Variants in HPSE2 observed in about 807,000 individuals in gnomAD.
HPSE2 encodes inactive heparanase-2.
In HPSE2, 38 loss-of-function variants were observed where a neutral mutation model predicts 60.5. The ratio of observed to expected loss-of-function variants is 0.63; its 90% CI spans 0.48 to 0.82. HPSE2 has a LOEUF of 0.82. Ranked by LOEUF, HPSE2 falls within the 40% of genes least tolerant of loss-of-function variation. The pLI, the probability that HPSE2 is intolerant of heterozygous loss-of-function variation, is 0.00. For synonymous variants in HPSE2, 295 were observed against 293.2 expected (o/e 1.01, Z -0.06); for missense variants, 713 against 740.4 (o/e 0.96, Z 0.43).
chr10:98,860,016 A>C (rs1336014533), intron 3 of HPSE2, among the ~76,000 whole-genome samples: 2 of 152,214 alleles, frequency 1.3e-5, no homozygotes, highest in Non-Finnish European at 2.9e-5. Flanking sequence ...TTTATAAATT[A>C]AACTTTATCA....
intron 9 of HPSE2, among the ~76,000 whole-genome samples, chr10:98,535,571 C>T (rs1303199036): frequency 2.6e-5 from 4 of 152,158 alleles, no homozygotes; most frequent in Admixed American, 6.5e-5. Flanking sequence ...TGGTGGACCA[C>T]TTGAAACTCC....
chr10:99,088,176 C>T (rs1843390045), intron 3 of HPSE2, among the ~76,000 whole-genome samples: 1 of 152,034 alleles, frequency 6.6e-6, no homozygotes, highest in South Asian at 2.1e-4. Flanking sequence ...TCAAATGCCA[C>T]TTTCCCAGTG....
the HPSE2 span, among the ~76,000 whole-genome samples, chr10:99,287,783 C>T: frequency 1.3e-5 from 2 of 152,262 alleles, no homozygotes; most frequent in Non-Finnish European, 2.9e-5. Context: ...GTCTCAAGCT[C>T]ATTCAGCCAT....
intron 3 of HPSE2, among the ~76,000 whole-genome samples, chr10:99,058,074 G>A (rs1407034006): frequency 2.0e-5 from 3 of 152,222 alleles, no homozygotes; most frequent in Non-Finnish European, 2.9e-5. Context: ...GCAAAGAGAA[G>A]CTATCCAGAA....
intron 3 of HPSE2, among the ~76,000 whole-genome samples, chr10:99,091,590 CA>C (rs1238897162): frequency 1.3e-5 from 2 of 152,168 alleles, no homozygotes; most frequent in African/African-American, 4.8e-5. Flanking sequence ...ACAAAAACAA[CA>C]ACAAAAAAAA....
At chr10:99,012,200 A>G (rs929354246) in intron 3 of HPSE2, among the ~76,000 whole-genome samples, 1 of 152,142 alleles carries the variant, frequency 6.6e-6, no homozygotes, top group African/African-American at 2.4e-5. Flanking sequence ...TGATAATTTT[A>G]ATCACAATTT....
chr10:99,063,193 A>G (rs1235156340), intron 3 of HPSE2, among the ~76,000 whole-genome samples: 1 of 152,206 alleles, frequency 6.6e-6, no homozygotes, highest in East Asian at 1.9e-4. Flanking sequence ...AATAAAAATA[A>G]ATTTTTTGGA....
In HPSE2 at chr10:99,207,253, T is replaced by G. The variant is rs564115839; in HGVS notation, c.448+25095A>C. 7.2e-5 allele frequency among the ~76,000 whole-genome samples: 11 copies of G among 152,188 alleles called. No individual in the cohort carries two copies. In the South Asian group the frequency reaches 2.3e-3, roughly 32 times the overall value. The stretch of plus-strand genomic sequence containing the variant: ...GCCAGGAGACAGAAGGATGACATAT[T>G]CTAAGGGCTAAAAGAAAAAAATACC... On this transcript the variant is annotated intron_variant, in intron 2 of 11. Transcript: ENST00000370552.
chr10:98,763,039 A>G (rs1310695602), intron 3 of HPSE2, among the ~76,000 whole-genome samples: 1 of 152,136 alleles, frequency 6.6e-6, no homozygotes, highest in Non-Finnish European at 1.5e-5. Flanking sequence ...TAGAGCTAAA[A>G]TATATAATAT....
intron 9 of HPSE2, among the ~76,000 whole-genome samples, chr10:98,552,029 A>C (rs1009454149): frequency 5.3e-5 from 8 of 152,188 alleles, no homozygotes; most frequent in Non-Finnish European, 8.8e-5. Flanking sequence ...GCAGGGAAAG[A>C]AAAACAAAGA....
At chr10:98,888,547 C>T (rs1189678688) in intron 3 of HPSE2, among the ~76,000 whole-genome samples, 1 of 152,148 alleles carries the variant, frequency 6.6e-6, no homozygotes, top group Non-Finnish European at 1.5e-5. Flanking sequence ...AGTCAATTAA[C>T]TTCTCTGGGC....
chr10:98,789,543 G>A (rs1220410279), intron 3 of HPSE2, among the ~76,000 whole-genome samples: 1 of 152,220 alleles, frequency 6.6e-6, no homozygotes, highest in Admixed American at 6.5e-5. Flanking sequence ...GCCTGTCAGA[G>A]TTGTCCTGAA....
chr10:98,604,774 T>C (rs898397311), intron 9 of HPSE2, among the ~76,000 whole-genome samples: 2 of 152,194 alleles, frequency 1.3e-5, no homozygotes, highest in African/African-American at 2.4e-5. Context: ...GATAGTGGTA[T>C]GGAAATAACA....
intron 9 of HPSE2, among the ~76,000 whole-genome samples, chr10:98,560,216 A>G (rs934742438): frequency 6.6e-6 from 1 of 152,230 alleles, no homozygotes. Context: ...TAATCTCCAA[A>G]TACCCTTGGA....
intron 2 of HPSE2, among the ~76,000 whole-genome samples, chr10:99,155,114 T>G (rs1473174599): frequency 6.6e-5 from 9 of 137,270 alleles, no homozygotes; most frequent in African/African-American, 2.2e-4. Flanking sequence ...AAGTCCTGAG[T>G]GACCTACAAA....
chr10:99,213,725 A>G (rs1472285217), intron 2 of HPSE2, among the ~76,000 whole-genome samples: 1 of 152,144 alleles, frequency 6.6e-6, no homozygotes, highest in Non-Finnish European at 1.5e-5. Context: ...GTGGGGGAGC[A>G]TGGATGTGAA....
Position 98,617,986 on chromosome 10 carries a change from C to G in HPSE2, c.1205+2616G>C, listed in dbSNP as rs114065287. Among the ~76,000 whole-genome samples the G allele has an allele frequency of 8.8e-3, 1,342 of 152,232 alleles. 13 individuals are homozygous for G. The highest frequency in any genetic ancestry group is 0.031 in the African/African-American group (1,273 of 41,532). ...TTCAAAAAGGCTGGAAAAATGCCGTCTTTTCAATTTCTTAATAGCCTCCTA... is the reference window on the plus strand; with the variant it reads ...TTCAAAAAGGCTGGAAAAATGCCGTGTTTTCAATTTCTTAATAGCCTCCTA... On this transcript the variant is annotated intron_variant, in intron 8 of 11. Transcript: ENST00000370552.
chr10:98,568,996 A>G (rs775537873), intron 9 of HPSE2, among the ~76,000 whole-genome samples: 9 of 152,114 alleles, frequency 5.9e-5, no homozygotes, highest in Non-Finnish European at 7.3e-5. Flanking sequence ...CCATTGAATC[A>G]TACACTTTAA....
intron 3 of HPSE2, among the ~76,000 whole-genome samples, chr10:98,955,412 C>T (rs1411266024): frequency 6.6e-6 from 1 of 152,042 alleles, no homozygotes; most frequent in Non-Finnish European, 1.5e-5. Context: ...AATGAGATAC[C>T]ATTGCATGCC....
Sources: allele counts gnomAD v4.1 joint callset (sites outside exome capture counted in the v4.1 genomes callset), GRCh38; gene constraint gnomAD v4.1.1; transcripts MANE v1.5; gene names NCBI Gene and HGNC (gene_info 2026-07-23, HGNC 2026-07-21).